Variants in FAM177A1 observed in about 807,000 individuals in gnomAD.
FAM177A1 encodes protein FAM177A1.
FAM177A1 carries 22 observed loss-of-function variants against 26.1 expected under a neutral mutation model. The observed-to-expected ratio is 0.84, with a 90% CI of 0.60 to 1.20. FAM177A1 has a LOEUF of 1.20. FAM177A1 is among the 50% of genes most tolerant of loss of function. The pLI, the probability that FAM177A1 is intolerant of heterozygous loss-of-function variation, is 0.00. For synonymous variants in FAM177A1, 95 were observed against 99.3 expected, an observed-to-expected ratio of 0.96 and a Z score of 0.26; for missense variants, 296 against 291.1, an observed-to-expected ratio of 1.02 and a Z score of -0.12.
chr14:35,046,777 C>G (rs2139051796), intron 1 of FAM177A1, 149 bp downstream of exon 1: 1 of 1,383,614 alleles, frequency 7.2e-7, no homozygotes, highest in Non-Finnish European at 9.3e-7. Context: ...TTTCTGCTCA[C>G]TGAGACCAGC....
rs570157923 is a variant in FAM177A1 at position 35,051,476 on chromosome 14, G to T, written c.166-1802G>T. Among the ~76,000 whole-genome samples, 12 of 152,204 alleles carry T rather than the reference G, an allele frequency of 7.9e-5. No homozygotes were observed. The South Asian group carries it at 2.5e-3, about 32-fold the overall frequency. On this transcript the variant is annotated intron_variant, in intron 1 of 4. Coordinates refer to ENST00000280987, the MANE Select transcript of FAM177A1 (RefSeq NM_173607.5). Reference sequence around the variant, plus strand: ...TGCCCAGGCTTGAGTGCAGTGGTGCGATCTCGGCTCACTGCAACATCCACC... The same window carrying T: ...TGCCCAGGCTTGAGTGCAGTGGTGCTATCTCGGCTCACTGCAACATCCACC...
Position 35,046,493 on chromosome 14 carries a change from CTT to C in FAM177A1, c.32_33del (p.Phe11SerfsTer47). On this transcript the variant is annotated frameshift_variant, in exon 1 of 5. Coordinates refer to ENST00000280987, the MANE Select transcript of FAM177A1 (RefSeq NM_173607.5). LOFTEE classifies it high-confidence loss of function. MEVGLPAITLFLTSASSPVVA... is the reference protein window; with the variant it reads MEVGLPAITLXLTSASSPVVA... The stretch of plus-strand genomic sequence containing the variant: ...AAGTGGGCTTACCGGCCATTACCCT[CTT>C]TCTCACCAGCGCCAGCAGCCCTGTG... 1.9e-6 allele frequency: 3 copies of C among 1,601,972 alleles called. No individual in the cohort carries two copies. Among genetic ancestry groups the C allele is most frequent in the Non-Finnish European group, 2.6e-6 (3 of 1,175,790 alleles).
chr14:35,056,181 C>T (rs565437549), intron 2 of FAM177A1, among the ~76,000 whole-genome samples: 18 of 151,718 alleles, frequency 1.2e-4, no homozygotes, highest in African/African-American at 4.1e-4. Flanking sequence ...ACTACAGAAA[C>T]GCACCACCAC....
At chr14:35,063,940 C>T (rs1379445148) in intron 2 of FAM177A1, among the ~76,000 whole-genome samples, 8 of 145,768 alleles carry the variant, frequency 5.5e-5, no homozygotes, top group African/African-American at 1.8e-4. Context: ...CCCAGCTACT[C>T]GGGAGGCTGA....
chr14:35,068,659 A>G (rs953913957), intron 2 of FAM177A1, among the ~76,000 whole-genome samples: 15 of 152,222 alleles, frequency 9.9e-5, no homozygotes, highest in Admixed American at 9.2e-4. Flanking sequence ...CGGGGTTCCC[A>G]GTAACTGCTC....
At position 35,081,407 on chromosome 14, in the gene FAM177A1, A is replaced by T; in HGVS notation, c.*179A>T. On this transcript the variant is annotated 3_prime_UTR_variant, in exon 5 of 5. Transcript: ENST00000280987. ...CTATCTAGCAAAAGCCAGATCTGAA[A>T]TTCAGATATTTGTACTGTTTTTACT... 5.1e-6 allele frequency: 3 copies of T among 590,844 alleles called. No individual in the cohort carries two copies. Among genetic ancestry groups the T allele is most frequent in the Non-Finnish European group, 5.4e-6 (2 of 370,030 alleles). The allele number at this position is 590,844 out of a possible 1,614,324, so 36.6% of individuals were successfully genotyped here. A position where few individuals can be genotyped will look rare whatever the true frequency, so the allele number is the denominator to read the frequency against.
At chr14:35,049,424 T>G (rs563026243) in intron 1 of FAM177A1, among the ~76,000 whole-genome samples, 6 of 152,306 alleles carry the variant, frequency 3.9e-5, no homozygotes, top group South Asian at 4.1e-4. Flanking sequence ...GAATAAATTC[T>G]AAGTCTAGTA....
chr14:35,068,297 C>T (rs2045269356), intron 2 of FAM177A1, among the ~76,000 whole-genome samples: 1 of 152,108 alleles, frequency 6.6e-6, no homozygotes, highest in African/African-American at 2.4e-5. Flanking sequence ...TAGCAGGTAA[C>T]CATAAAACTA....
chr14:35,074,815 G>A (rs1394112317), intron 2 of FAM177A1, among the ~76,000 whole-genome samples: 1 of 151,896 alleles, frequency 6.6e-6, no homozygotes, highest in African/African-American at 2.4e-5. Context: ...GCTGAGGTGG[G>A]TGGATCACAT....
chr14:35,083,372 A>C lies in FAM177A1; in HGVS notation c.*2144A>C, dbSNP rs563909739. 1 of 152,772 alleles carries C rather than the reference A, an allele frequency of 6.5e-6. No homozygotes were observed. The highest frequency in any genetic ancestry group is 2.4e-5 in the African/African-American group (1 of 41,570). The allele number at this position is 152,772 out of a possible 1,614,324, so 9.5% of individuals were successfully genotyped here. ...TTATGCAAACTATAAAATTTCCCATAAATGTATTCAATGGTTTGTCTTACT... is the reference window on the plus strand; with the variant it reads ...TTATGCAAACTATAAAATTTCCCATCAATGTATTCAATGGTTTGTCTTACT... On this transcript the variant is annotated 3_prime_UTR_variant, in exon 5 of 5. Coordinates refer to ENST00000280987, the MANE Select transcript of FAM177A1 (RefSeq NM_173607.5).
Position 35,081,279 on chromosome 14 carries a change from A to G in FAM177A1, c.*51A>G. ...CTCTTAAGTTTTTTTTTTTTAATAC[A>G]AAAACTTTCACATTCTTTATTCAGT... is the stretch of plus-strand genomic sequence containing the variant. On this transcript the variant is annotated 3_prime_UTR_variant, in exon 5 of 5. Transcript: ENST00000280987. 6.6e-7 allele frequency: 1 copy of G among 1,522,520 alleles called. No homozygotes were observed. Among genetic ancestry groups the G allele is most frequent in the Non-Finnish European group, 8.8e-7 (1 of 1,131,512 alleles). 94.3% of individuals were successfully genotyped at this position (1,522,520 alleles called of 1,614,324 possible).
At chr14:35,069,541 T>C (rs2045287679) in intron 2 of FAM177A1, among the ~76,000 whole-genome samples, 1 of 152,078 alleles carries the variant, frequency 6.6e-6, no homozygotes, top group African/African-American at 2.4e-5. Context: ...TGCCTCGGCC[T>C]CCCAAAGTGC....
chr14:35,052,050 CAT>C (rs981518786), intron 1 of FAM177A1, among the ~76,000 whole-genome samples: 8 of 152,268 alleles, frequency 5.3e-5, no homozygotes, highest in Admixed American at 4.6e-4. Context: ...ATTCTACGAA[CAT>C]AGACTGTAAT....
chr14:35,046,844 A>C (rs1046792147), intron 1 of FAM177A1: 1 of 1,357,394 alleles, frequency 7.4e-7, no homozygotes, highest in Non-Finnish European at 9.5e-7. Flanking sequence ...GCAGCACAGC[A>C]GACTCTGGGG....
intron 1 of FAM177A1, among the ~76,000 whole-genome samples, chr14:35,051,162 C>T (rs910269800): frequency 1.3e-5 from 2 of 152,154 alleles, no homozygotes; most frequent in Non-Finnish European, 2.9e-5. Flanking sequence ...CTGTGTGACC[C>T]AGACTGGAGT....
intron 1 of FAM177A1, among the ~76,000 whole-genome samples, chr14:35,047,403 G>A (rs1438599555): frequency 2.6e-5 from 4 of 152,244 alleles, no homozygotes; most frequent in Non-Finnish European, 5.9e-5. Flanking sequence ...CACATTTCAA[G>A]TGCGCATTAG....
chr14:35,082,518 G>C lies in FAM177A1; in HGVS notation c.*1290G>C, dbSNP rs901839390. The C allele has an allele frequency of 6.6e-6, 1 of 151,198 alleles. No individual in the cohort carries two copies. Among genetic ancestry groups the C allele is most frequent in the African/African-American group, 2.4e-5 (1 of 40,954 alleles). 9.4% of individuals were successfully genotyped at this position (151,198 alleles called of 1,614,324 possible). ...ACAGAGTGAGACTCCATCTTGGGGG[G>C]AAAAAAGTATATATATATACACACA... On this transcript the variant is annotated 3_prime_UTR_variant, in exon 5 of 5. Coordinates refer to ENST00000280987, the MANE Select transcript of FAM177A1 (RefSeq NM_173607.5).
At chr14:35,055,864 T>C (rs931024435) in intron 2 of FAM177A1, among the ~76,000 whole-genome samples, 1 of 152,188 alleles carries the variant, frequency 6.6e-6, no homozygotes, top group Admixed American at 6.6e-5. Flanking sequence ...TTTATTTTTT[T>C]GTTCTCTTGT....
At chr14:35,068,580 A>G (rs1334669985) in intron 2 of FAM177A1, among the ~76,000 whole-genome samples, 1 of 152,210 alleles carries the variant, frequency 6.6e-6, no homozygotes, top group Non-Finnish European at 1.5e-5. Flanking sequence ...ATTATATGCC[A>G]TGGGTAACTG....
Sources: gnomAD v4.1 joint callset for allele counts (sites outside exome capture counted in the v4.1 genomes callset) on GRCh38, gnomAD v4.1.1 for gene constraint, MANE v1.5 for transcripts, NCBI Gene and HGNC (gene_info 2026-07-23, HGNC 2026-07-21) for gene names.